The following B4GALT5 variants were observed in gnomAD, a reference collection of about 807,000 sequenced individuals.
The protein encoded by B4GALT5 is UDP-Gal:beta-GlcNAc beta-1,4-galactosyltransferase 5.
In B4GALT5, 11 loss-of-function variants were observed where a neutral mutation model predicts 45.0. The observed-to-expected ratio is 0.24, with a 90% CI of 0.15 to 0.40. The LOEUF (loss-of-function observed/expected upper bound fraction) is 0.40, where lower values mean the gene tolerates loss of function less well. Ranked by LOEUF, B4GALT5 falls within the 10% of genes least tolerant of loss-of-function variation. The pLI is 1.00. For synonymous variants in B4GALT5, 185 were observed against 182.9 expected (o/e 1.01, Z -0.09); for missense variants, 337 against 500.2 (o/e 0.67, Z 3.11).
At chr20:49,657,793 A>G (rs950354264) in intron 1 of B4GALT5, among the ~76,000 whole-genome samples, 4 of 152,186 alleles carry the variant, frequency 2.6e-5, no homozygotes, top group Non-Finnish European at 4.4e-5. Context: ...TTTCATCACT[A>G]TTAAAGCAGT....
rs537802735 is a variant in B4GALT5, at chr20:49,637,509, C to CAA, written c.918-69_918-68dup. 2.4e-4 allele frequency: 282 copies of CAA among 1,169,862 alleles called. 2 individuals carry two copies. In the African/African-American group the frequency reaches 3.9e-3, roughly 16 times the overall value. The allele number at this position is 1,169,862 out of a possible 1,614,324, so 72.5% of individuals were successfully genotyped here. A position where few individuals can be genotyped will look rare whatever the true frequency, so the allele number is the denominator to read the frequency against. On this transcript the variant is annotated intron_variant, in intron 7 of 8. Transcript: ENST00000371711. ...ATAGCCCAGGAGTGACCAAAGCCTA[C>CAA]AAGACATGTTACAAGCTTACCCTGG...
chr20:49,655,612 C>G (rs2085639323), intron 2 of B4GALT5, among the ~76,000 whole-genome samples: 1 of 152,010 alleles, frequency 6.6e-6, no homozygotes, highest in African/African-American at 2.4e-5. Flanking sequence ...TACTTCCTTC[C>G]TGTATTCAGT....
chr20:49,637,222 A>G (rs1328763700), intron 8 of B4GALT5, 119 bp downstream of exon 8: 3 of 825,850 alleles, frequency 3.6e-6, no homozygotes, highest in African/African-American at 1.7e-5. Context: ...GCTGTCAAAC[A>G]GCTGTCAGAA....
At chr20:49,641,324 C>T (rs948573707) in intron 5 of B4GALT5, among the ~76,000 whole-genome samples, 3 of 152,216 alleles carry the variant, frequency 2.0e-5, no homozygotes, top group Non-Finnish European at 4.4e-5. Context: ...AGCACATCAA[C>T]CAATCTCTAA....
intron 1 of B4GALT5, among the ~76,000 whole-genome samples, chr20:49,688,398 G>A (rs1261680286): frequency 2.0e-5 from 3 of 152,148 alleles, no homozygotes; most frequent in Non-Finnish European, 4.4e-5. Flanking sequence ...CCAGTTCTTA[G>A]CCAGAACTCC....
intron 1 of B4GALT5, among the ~76,000 whole-genome samples, chr20:49,659,798 T>C (rs1038250040): frequency 4.0e-5 from 6 of 151,722 alleles, no homozygotes; most frequent in African/African-American, 1.2e-4. Context: ...TCCCAGTCAC[T>C]TGTTTTTTCT....
At position 49,642,576 on chromosome 20, in the gene B4GALT5, G is replaced by T. The variant is rs771962309; in HGVS notation, c.498C>A (p.Ile166=). The part of the protein sequence containing the change: ...SDCMPRWKVA[I]LIPFRNRHEH... ...CGTGGCGGTTCCGGAAGGGGATAAGGATCGCCACCTGGAGTGGATTACAGC... is the reference window on the plus strand; with the variant it reads ...CGTGGCGGTTCCGGAAGGGGATAAGTATCGCCACCTGGAGTGGATTACAGC... The change falls in exon 5 of 9, where the codon ATC becomes ATA. Residue 166 remains isoleucine, a synonymous_variant. Transcript: ENST00000371711. 1.2e-5 allele frequency: 19 copies of T among 1,612,306 alleles called. No homozygotes were observed. The highest frequency in any genetic ancestry group is 1.4e-5 in the Non-Finnish European group (16 of 1,178,840).
intron 1 of B4GALT5, among the ~76,000 whole-genome samples, chr20:49,683,241 G>A (rs1194720739): frequency 6.6e-6 from 1 of 152,168 alleles, no homozygotes; most frequent in Non-Finnish European, 1.5e-5. Flanking sequence ...CTTAGAAGTT[G>A]CAAACTATCT....
chr20:49,683,205 G>A (rs1349461269), intron 1 of B4GALT5, among the ~76,000 whole-genome samples: 1 of 152,084 alleles, frequency 6.6e-6, no homozygotes, highest in Non-Finnish European at 1.5e-5. Context: ...GAAATAAACT[G>A]TTTTGATTTC....
intron 4 of B4GALT5, among the ~76,000 whole-genome samples, 183 bp downstream of exon 4, chr20:49,643,343 A>G (rs1281089245): frequency 6.6e-6 from 1 of 152,172 alleles, no homozygotes; most frequent in Non-Finnish European, 1.5e-5. Flanking sequence ...GAATAATGCA[A>G]ATTTCTGTAT....
chr20:49,700,456 T>C (rs2085857082), intron 1 of B4GALT5, among the ~76,000 whole-genome samples: 1 of 152,120 alleles, frequency 6.6e-6, no homozygotes, highest in African/African-American at 2.4e-5. Context: ...CCACCACACC[T>C]GGCTAATTTT....
intron 5 of B4GALT5, 81 bp downstream of exon 5, chr20:49,642,387 C>T (rs2085580692): frequency 8.4e-6 from 9 of 1,072,668 alleles, no homozygotes; most frequent in Non-Finnish European, 1.2e-5. Flanking sequence ...TGGCTCTTCA[C>T]ACCAACAGTG....
Position 49,639,659 on chromosome 20 carries a change from G to GA in B4GALT5, c.917+18dup, listed in dbSNP as rs1417532059. 1 of 1,612,080 alleles carries GA rather than the reference G, an allele frequency of 6.2e-7. No individual in the cohort carries two copies. Among genetic ancestry groups the GA allele is most frequent in the Non-Finnish European group, 8.5e-7 (1 of 1,178,722 alleles). The stretch of plus-strand genomic sequence containing the variant: ...TAAGGTAGCATTTCTAGAAGACACC[G>GA]AAAGAACGGCAGAGGTACCTGTTCC... On this transcript the variant is annotated intron_variant, in intron 7 of 8. Coordinates refer to ENST00000371711, the MANE Select transcript of B4GALT5 (RefSeq NM_004776.4).
At chr20:49,705,186 C>G (rs1041416338) in intron 1 of B4GALT5, among the ~76,000 whole-genome samples, 5 of 152,028 alleles carry the variant, frequency 3.3e-5, no homozygotes, top group Non-Finnish European at 5.9e-5. Flanking sequence ...ATCCAACTAC[C>G]TAGAGGATTG....
chr20:49,670,796 A>C (rs961016885), intron 1 of B4GALT5, among the ~76,000 whole-genome samples: 1 of 152,188 alleles, frequency 6.6e-6, no homozygotes, highest in African/African-American at 2.4e-5. Context: ...TTGTTGATGG[A>C]AACAAATTGA....
intron 1 of B4GALT5, among the ~76,000 whole-genome samples, chr20:49,673,960 A>C (rs1184598157): frequency 6.6e-6 from 1 of 151,728 alleles, no homozygotes; most frequent in African/African-American, 2.4e-5. Flanking sequence ...TCTGGGGGCC[A>C]GGCATGGTGG....
intron 1 of B4GALT5, among the ~76,000 whole-genome samples, chr20:49,712,209 A>G (rs984865469): frequency 6.6e-6 from 1 of 152,232 alleles, no homozygotes; most frequent in Non-Finnish European, 1.5e-5. Flanking sequence ...CACCAGGTAC[A>G]GTGGTAAGTG....
chr20:49,641,107 T>C (rs1029680621), intron 5 of B4GALT5, among the ~76,000 whole-genome samples: 2 of 150,052 alleles, frequency 1.3e-5, no homozygotes, highest in African/African-American at 4.9e-5. Context: ...AGAGCAAGAC[T>C]CCATCTCCAA....
intron 3 of B4GALT5, 63 bp downstream of exon 3, chr20:49,646,902 C>A: frequency 1.0e-6 from 1 of 1,004,716 alleles, no homozygotes; most frequent in South Asian, 1.6e-5. Context: ...ACAGAGAGAT[C>A]AAGAGTGCCC....
Sources: allele counts gnomAD v4.1 joint callset (sites outside exome capture counted in the v4.1 genomes callset), GRCh38; gene constraint gnomAD v4.1.1; transcripts MANE v1.5; gene names NCBI Gene and HGNC (gene_info 2026-07-23, HGNC 2026-07-21).